Variants in STIM2 observed in about 807,000 individuals in gnomAD.
The protein encoded by STIM2 is stromal interaction molecule 2.
In STIM2, 31 loss-of-function variants were observed where a neutral mutation model predicts 85.8. The ratio of observed to expected loss-of-function variants is 0.36; its 90% CI spans 0.27 to 0.49. STIM2 has a LOEUF of 0.49. STIM2 is among the 20% of genes least tolerant of loss of function. The pLI, the probability that STIM2 is intolerant of heterozygous loss-of-function variation, is 0.98. For missense variants in STIM2, 841 were observed against 927.6 expected, an observed-to-expected ratio of 0.91 and a Z score of 1.21; for synonymous variants, 356 against 331.1, an observed-to-expected ratio of 1.08 and a Z score of -0.82.
chr4:27,014,239 T>C (rs775984920), intron 10 of STIM2, among the ~76,000 whole-genome samples: 61 of 152,022 alleles, frequency 4.0e-4, no homozygotes, highest in African/African-American at 1.4e-3. Context: ...TTTTTACTTA[T>C]TGTTTTAATA....
rs933946769 is a variant in STIM2 at position 27,020,001 on chromosome 4, A to G, written c.1763+2017A>G. Among the ~76,000 whole-genome samples, 6 of 152,346 alleles carry G rather than the reference A, an allele frequency of 3.9e-5. No individual in the cohort carries two copies. The East Asian group carries it at 9.6e-4, about 24-fold the overall frequency. The stretch of plus-strand genomic sequence containing the variant: ...TCAAATGTTAGAACTAGAAGGTAAC[A>G]TTAGTGATTAATCAAATTTTCTTAC... On this transcript the variant is annotated intron_variant, in intron 11 of 11. Coordinates refer to ENST00000467087, the MANE Select transcript of STIM2 (RefSeq NM_020860.4).
At chr4:26,965,365 C>G (rs1260922448) in intron 3 of STIM2, among the ~76,000 whole-genome samples, 1 of 152,130 alleles carries the variant, frequency 6.6e-6, no homozygotes, top group South Asian at 2.1e-4. Context: ...TAGTGTCTCT[C>G]TTGATTAATT....
chr4:26,966,599 T>A (rs1726730475), intron 3 of STIM2, among the ~76,000 whole-genome samples: 1 of 152,142 alleles, frequency 6.6e-6, no homozygotes, highest in African/African-American at 2.4e-5. Flanking sequence ...ATTACAAATA[T>A]TAATACAATG....
At chr4:27,001,176 C>T (rs1728137921) in intron 5 of STIM2, among the ~76,000 whole-genome samples, 1 of 152,198 alleles carries the variant, frequency 6.6e-6, no homozygotes, top group Non-Finnish European at 1.5e-5. Flanking sequence ...AAATATGTTT[C>T]TGCCGGAGGC....
intron 2 of STIM2, among the ~76,000 whole-genome samples, chr4:26,921,406 G>A (rs1724792214): frequency 6.6e-6 from 1 of 152,172 alleles, no homozygotes; most frequent in Admixed American, 6.5e-5. Context: ...GAATGGAAAC[G>A]AATACAGGCC....
intron 1 of STIM2, among the ~76,000 whole-genome samples, chr4:26,918,615 G>GT (rs892450272): frequency 2.6e-5 from 4 of 152,150 alleles, no homozygotes; most frequent in African/African-American, 9.7e-5. Context: ...TAGAAGAGAA[G>GT]TAAGTTCCTA....
intron 11 of STIM2, chr4:27,019,690 T>TC: frequency 2.7e-6 from 1 of 364,034 alleles, no homozygotes; most frequent in Non-Finnish European, 5.2e-6. Context: ...TGATTTTTTT[T>TC]TTTTATGAGA....
intron 7 of STIM2, among the ~76,000 whole-genome samples, chr4:27,005,400 G>T (rs1237605830): frequency 6.6e-6 from 1 of 152,176 alleles, no homozygotes; most frequent in Non-Finnish European, 1.5e-5. Context: ...CTTACTGAAG[G>T]TTACAGAGAT....
At chr4:27,012,009 T>G (rs1728574094) in intron 10 of STIM2, among the ~76,000 whole-genome samples, 1 of 152,112 alleles carries the variant, frequency 6.6e-6, no homozygotes, top group Admixed American at 6.6e-5. Flanking sequence ...TTATTTTTGT[T>G]CATAGTGTGA....
intron 1 of STIM2, among the ~76,000 whole-genome samples, chr4:26,914,302 A>T (rs1724452388): frequency 6.6e-6 from 1 of 152,204 alleles, no homozygotes; most frequent in Non-Finnish European, 1.5e-5. Flanking sequence ...AAATACAAGG[A>T]TGCTCCATAT....
rs752152544 is a variant in STIM2, at chr4:26,884,470, G to T, written c.151+23101G>T. Among the ~76,000 whole-genome samples the T allele has an allele frequency of 3.9e-5, 6 of 152,198 alleles. No individual in the cohort carries two copies. The East Asian group carries it at 7.7e-4, about 20-fold the overall frequency. ...AAATGGTTATTTAATTCTTAAACCTGTTTGTAATAAAGGTTTAGAAAAGAA... is the reference window on the plus strand; with the variant it reads ...AAATGGTTATTTAATTCTTAAACCTTTTTGTAATAAAGGTTTAGAAAAGAA... On this transcript the variant is annotated intron_variant, in intron 1 of 11. Transcript: ENST00000467087.
chr4:26,999,626 C>A (rs1376723697), intron 5 of STIM2, among the ~76,000 whole-genome samples: 1 of 152,068 alleles, frequency 6.6e-6, no homozygotes, highest in African/African-American at 2.4e-5. Context: ...AACTTTGGAT[C>A]TTTGGAGGAG....
At chr4:26,948,431 G>A (rs181661639) in intron 2 of STIM2, among the ~76,000 whole-genome samples, 14 of 152,278 alleles carry the variant, frequency 9.2e-5, no homozygotes, top group Admixed American at 2.0e-4. Flanking sequence ...CTGGCAGACC[G>A]TGACATGTTT....
intron 3 of STIM2, among the ~76,000 whole-genome samples, chr4:26,979,019 C>T (rs529084524): frequency 3.9e-5 from 6 of 152,258 alleles, no homozygotes; most frequent in East Asian, 1.9e-4. Flanking sequence ...CTGAATTTTA[C>T]GGTAATTGAG....
chr4:26,918,674 C>T (rs563834979), intron 1 of STIM2, among the ~76,000 whole-genome samples: 12 of 152,234 alleles, frequency 7.9e-5, no homozygotes, highest in African/African-American at 2.6e-4. Context: ...AGTGAAGCTG[C>T]GGCAGTACTT....
chr4:26,993,743 A>C (rs2109124190), intron 3 of STIM2, among the ~76,000 whole-genome samples: 1 of 152,314 alleles, frequency 6.6e-6, no homozygotes, highest in South Asian at 2.1e-4. Flanking sequence ...CATAAGCAGA[A>C]ACCTCTGAAC....
chr4:26,962,666 G>A (rs1186973134), intron 3 of STIM2, among the ~76,000 whole-genome samples: 1 of 151,708 alleles, frequency 6.6e-6, no homozygotes, highest in Non-Finnish European at 1.5e-5. Flanking sequence ...GCTGTCTAAT[G>A]CAAATGAAAG....
In STIM2 at chr4:26,994,723, ATCTGAAGGCTTT is replaced by A. The variant is rs536992085; in HGVS notation, c.398-654_398-643del. 2.6e-5 allele frequency among the ~76,000 whole-genome samples: 4 copies of A among 152,182 alleles called. No individual in the cohort carries two copies. The South Asian group carries it at 8.3e-4, about 32-fold the overall frequency. On this transcript the variant is annotated intron_variant, in intron 3 of 11. Coordinates refer to ENST00000467087, the MANE Select transcript of STIM2 (RefSeq NM_020860.4). Reference sequence around the variant, plus strand: ...CTCTCAAACACTGCTAGTTCATTCCATCTGAAGGCTTTTTTTTACAGCCTTTTCCTCTCTTTG... The same window carrying A: ...CTCTCAAACACTGCTAGTTCATTCCATTTTTACAGCCTTTTCCTCTCTTTG...
rs767704149 is a variant in STIM2, at chr4:27,022,840, C to T, written c.2085C>T (p.His695=). The T allele has an allele frequency of 9.9e-6, 16 of 1,614,216 alleles. No individual in the cohort carries two copies. Among genetic ancestry groups the T allele is most frequent in the Admixed American group, 8.3e-5 (5 of 60,028 alleles). ...GCATCCCGGTGCCTAAACCTCGCCACACATCATGTTCCTCAGCTGGCAACG... is the reference window on the plus strand; with the variant it reads ...GCATCCCGGTGCCTAAACCTCGCCATACATCATGTTCCTCAGCTGGCAACG... The change falls in exon 12 of 12, where the codon CAC becomes CAT. Residue 695 remains histidine, a synonymous_variant. Coordinates refer to ENST00000467087, the MANE Select transcript of STIM2 (RefSeq NM_020860.4).
Sources: allele counts gnomAD v4.1 joint callset (sites outside exome capture counted in the v4.1 genomes callset), GRCh38; gene constraint gnomAD v4.1.1; transcripts MANE v1.5; gene names NCBI Gene and HGNC (gene_info 2026-07-23, HGNC 2026-07-21).